The following LRRC38 variants were observed in gnomAD, a reference collection of about 807,000 sequenced individuals.
LRRC38 encodes the protein leucine rich repeat containing 38.
Under a neutral mutation model 16.4 loss-of-function variants are expected in LRRC38, and 5 were observed. That is an observed-to-expected ratio of 0.31 (90% CI 0.16 to 0.64). The LOEUF (loss-of-function observed/expected upper bound fraction) is 0.64. Ranked by LOEUF, LRRC38 falls within the 30% of genes least tolerant of loss-of-function variation. The pLI is 0.80. For missense variants in LRRC38, 341 were observed against 401.8 expected (o/e 0.85, Z 1.29); for synonymous variants, 191 against 190.2 (o/e 1.00, Z -0.04).
intron 1 of LRRC38, among the ~76,000 whole-genome samples, chr1:13,492,843 C>A (rs1416794145): frequency 6.6e-6 from 1 of 152,216 alleles, no homozygotes; most frequent in Admixed American, 6.5e-5. Context: ...GACAAGCCAA[C>A]ATAACACAGC....
At chr1:13,488,560 G>A (rs755537425) in intron 1 of LRRC38, among the ~76,000 whole-genome samples, 82 of 152,198 alleles carry the variant, frequency 5.4e-4, no homozygotes, top group Non-Finnish European at 9.4e-4. Context: ...CTGAGCCACC[G>A]TGACTGGCTG....
At chr1:13,500,537 C>A (rs566110510) in intron 1 of LRRC38, among the ~76,000 whole-genome samples, 158 of 152,312 alleles carry the variant, frequency 1.0e-3, no homozygotes, top group African/African-American at 3.7e-3. Flanking sequence ...TACCTATGAC[C>A]TGGAGGCCCC....
intron 1 of LRRC38, among the ~76,000 whole-genome samples, chr1:13,492,329 G>A (rs1302687518): frequency 6.6e-6 from 1 of 152,164 alleles, no homozygotes; most frequent in Non-Finnish European, 1.5e-5. Flanking sequence ...CCATTTCATG[G>A]ATAGACAACG....
At chr1:13,502,859 C>CT (rs1457011505) in intron 1 of LRRC38, among the ~76,000 whole-genome samples, 2 of 152,228 alleles carry the variant, frequency 1.3e-5, no homozygotes, top group Non-Finnish European at 2.9e-5. Context: ...TCAACTTTCA[C>CT]TTCTGATGTA....
rs1455607546 is a variant in LRRC38 at position 13,475,823 on chromosome 1, A to C, written c.*23T>G. On this transcript the variant is annotated 3_prime_UTR_variant, in exon 2 of 2. Coordinates refer to ENST00000376085, the MANE Select transcript of LRRC38 (RefSeq NM_001010847.2). The surrounding 1 kb of genome is among the most constrained non-coding windows in gnomAD (Gnocchi z 4.3). Reference sequence around the variant, plus strand: ...GCTTCTGGTTCGGTGCTGGAGAGTAAGAGGCAGGAGGGAGGAGGTGGCTCA... The same window carrying C: ...GCTTCTGGTTCGGTGCTGGAGAGTACGAGGCAGGAGGGAGGAGGTGGCTCA... 6.5e-7 allele frequency: 1 copy of C among 1,545,972 alleles called. No homozygotes were observed. Among genetic ancestry groups the C allele is most frequent in the African/African-American group, 1.4e-5 (1 of 72,932 alleles).
chr1:13,498,930 G>A (rs1443018977), intron 1 of LRRC38, among the ~76,000 whole-genome samples: 3 of 152,094 alleles, frequency 2.0e-5, no homozygotes, highest in East Asian at 1.9e-4. Flanking sequence ...GTGGTTTGCT[G>A]GGAATCTCTG....
intron 1 of LRRC38, among the ~76,000 whole-genome samples, chr1:13,481,431 G>T (rs577018076): frequency 6.8e-6 from 1 of 146,098 alleles, no homozygotes; most frequent in African/African-American, 2.5e-5. Flanking sequence ...TCGCTCTGTC[G>T]CCCAGGCTGG....
chr1:13,510,099 CTCTG>C (rs537152359), intron 1 of LRRC38, among the ~76,000 whole-genome samples: 59 of 152,310 alleles, frequency 3.9e-4, no homozygotes, highest in Non-Finnish European at 5.9e-4. Flanking sequence ...CTTCGCTGGG[CTCTG>C]TCTTGCTTCT....
At chr1:13,498,244 C>CA (rs1480376209) in intron 1 of LRRC38, among the ~76,000 whole-genome samples, 49 of 122,666 alleles carry the variant, frequency 4.0e-4, no homozygotes, top group African/African-American at 1.5e-3. Context: ...CAAAACAAAA[C>CA]AAAACAAAAA....
rs148055800 is a variant in LRRC38 at position 13,495,975 on chromosome 1, C to T, written c.631+16988G>A. On this transcript the variant is annotated intron_variant, in intron 1 of 1. Transcript: ENST00000376085. ...CCTATATCAGCACAGTCTTACTCTC[C>T]GAATACAAAGAGTGTCTGACATTTT... Among the ~76,000 whole-genome samples the T allele has an allele frequency of 3.1e-3, 476 of 152,068 alleles. 2 individuals are homozygous for T. The highest frequency in any genetic ancestry group is 0.011 in the African/African-American group (436 of 41,452).
chr1:13,505,566 A>C (rs959195317), intron 1 of LRRC38, among the ~76,000 whole-genome samples: 1 of 152,172 alleles, frequency 6.6e-6, no homozygotes, highest in African/African-American at 2.4e-5. Context: ...TCTCCTACGC[A>C]GGGTGCGGCT....
chr1:13,494,648 T>C (rs35512222), intron 1 of LRRC38, among the ~76,000 whole-genome samples: 8,642 of 152,258 alleles, frequency 0.057, 400 homozygotes, highest in East Asian at 0.15. Context: ...GTGATGTATC[T>C]ATCCCCTTCT....
chr1:13,503,518 C>T (rs1241605566), intron 1 of LRRC38, among the ~76,000 whole-genome samples: 1 of 152,234 alleles, frequency 6.6e-6, no homozygotes, highest in African/African-American at 2.4e-5. Flanking sequence ...ATCTGCCCGC[C>T]TCAGCCTCCC....
At chr1:13,476,581 G>A (rs61781236) in intron 1 of LRRC38, among the ~76,000 whole-genome samples, 14,377 of 152,112 alleles carry the variant, frequency 0.095, 858 homozygotes, top group East Asian at 0.23. Context: ...TGCTCACCTC[G>A]GCCTCTGAAA....
intron 1 of LRRC38, among the ~76,000 whole-genome samples, chr1:13,504,985 C>G (rs1422116491): frequency 6.6e-6 from 1 of 152,128 alleles, no homozygotes; most frequent in African/African-American, 2.4e-5. Context: ...CCCACGACTT[C>G]CTGGGGCTTG....
intron 1 of LRRC38, among the ~76,000 whole-genome samples, chr1:13,509,780 T>A (rs1157743637): frequency 6.6e-6 from 1 of 152,128 alleles, no homozygotes; most frequent in East Asian, 1.9e-4. Flanking sequence ...TCTTTGTTTA[T>A]AAGAGAAAAA....
intron 1 of LRRC38, among the ~76,000 whole-genome samples, chr1:13,503,292 A>T (rs1032792606): frequency 6.6e-6 from 1 of 152,206 alleles, no homozygotes; most frequent in Middle Eastern, 3.4e-3. Context: ...ATTTTGAGAC[A>T]GTCTCACTCT....
intron 1 of LRRC38, among the ~76,000 whole-genome samples, chr1:13,485,015 C>T (rs1433174378): frequency 2.0e-5 from 3 of 152,162 alleles, no homozygotes; most frequent in Non-Finnish European, 4.4e-5. Flanking sequence ...CGGTGGCTCA[C>T]GCCTGTAATC....
rs1253858426 is a variant in LRRC38, at chr1:13,513,783, G to C, written c.-190C>G. 1 of 146,200 alleles carries C rather than the reference G, an allele frequency of 6.8e-6. No individual in the cohort carries two copies. The highest frequency in any genetic ancestry group is 6.8e-5 in the Admixed American group (1 of 14,808). The allele number at this position is 146,200 out of a possible 1,614,324, so 9.1% of individuals were successfully genotyped here. ...GCGGACGGACTGGGGAGCCGGGACA[G>C]CAGGGATGGAGAGGGGAGGGGCGGG... On this transcript the variant is annotated 5_prime_UTR_variant, in exon 1 of 2. Coordinates refer to ENST00000376085, the MANE Select transcript of LRRC38 (RefSeq NM_001010847.2).
Sources: allele counts gnomAD v4.1 joint callset (sites outside exome capture counted in the v4.1 genomes callset), GRCh38; gene constraint gnomAD v4.1.1; non-coding constraint Gnocchi (gnomAD v3.1); transcripts MANE v1.5; gene names NCBI Gene and HGNC (gene_info 2026-07-23, HGNC 2026-07-21).